Variants in INO80 observed in about 807,000 individuals in gnomAD.
The protein encoded by INO80 is INO80 complex ATPase subunit.
A neutral mutation model predicts 203.4 loss-of-function variants in INO80; 20 were observed. That is an observed-to-expected ratio of 0.10 (90% CI 0.07 to 0.14). INO80 has a LOEUF of 0.14. INO80 is among the 10% of genes least tolerant of loss of function. The probability of loss-of-function intolerance (pLI) is 1.00; values close to 1 mark genes in which losing one functional copy is unlikely to be tolerated. For synonymous variants in INO80, 726 were observed against 685.2 expected (o/e 1.06, Z -0.93); for missense variants, 1,419 against 1,914.4 (o/e 0.74, Z 4.83).
intron 14 of INO80, among the ~76,000 whole-genome samples, chr15:41,063,803 T>C (rs1222407198): frequency 6.6e-6 from 1 of 151,644 alleles, no homozygotes; most frequent in Non-Finnish European, 1.5e-5. Flanking sequence ...TGTAAAATGA[T>C]TACAAATAAA....
chr15:41,073,084 G>C (rs1350198310), intron 11 of INO80, among the ~76,000 whole-genome samples: 2 of 151,746 alleles, frequency 1.3e-5, no homozygotes, highest in African/African-American at 4.8e-5. Context: ...CGGTGAGTAT[G>C]GTCTTTTTCA....
At chr15:41,065,836 T>C (rs1035232893) in intron 14 of INO80, among the ~76,000 whole-genome samples, 1 of 152,104 alleles carries the variant, frequency 6.6e-6, no homozygotes, top group African/African-American at 2.4e-5. Flanking sequence ...GCAGTCAAAT[T>C]TGTGGTTGCC....
intron 9 of INO80, among the ~76,000 whole-genome samples, chr15:41,078,492 AT>A (rs35165623): frequency 0.55 from 82,977 of 151,862 alleles, 24,376 homozygotes; most frequent in African/African-American, 0.77. Flanking sequence ...TAACTTGATA[AT>A]TATGATTACC....
chr15:41,043,728 C>G (rs1452587240), intron 24 of INO80, among the ~76,000 whole-genome samples: 2 of 152,140 alleles, frequency 1.3e-5, no homozygotes, highest in African/African-American at 2.4e-5. Context: ...AACTGTCACT[C>G]CTCTTCTCAA....
chr15:41,109,861 G>A (rs2045933948), intron 1 of INO80, among the ~76,000 whole-genome samples: 1 of 151,676 alleles, frequency 6.6e-6, no homozygotes, highest in South Asian at 2.1e-4. Context: ...GAACCTGGGA[G>A]ATGGAGGTTG....
rs368535813 is a variant in INO80, at chr15:41,051,128, C to CA, written c.2275-1027dup. Among the ~76,000 whole-genome samples, 207 of 78,480 alleles carry CA rather than the reference C, an allele frequency of 2.6e-3. 11 individuals carry two copies. The highest frequency in any genetic ancestry group is 0.017 in the Middle Eastern group (2 of 118). The allele number at this position is 78,480 out of a possible 152,430, so 51.5% of individuals were successfully genotyped here. A position where few individuals can be genotyped will look rare whatever the true frequency, so the allele number is the denominator to read the frequency against. On this transcript the variant is annotated intron_variant, in intron 19 of 35. Coordinates refer to ENST00000648947, the MANE Select transcript of INO80 (RefSeq NM_017553.3). The stretch of plus-strand genomic sequence containing the variant: ...TGGGTGACAGAATGAGACTCCATCT[C>CA]AAAAAAAAAAAAAAAGAAAGTTCTC...
At chr15:41,011,827 AG>A (rs1725963287) in intron 27 of INO80, 1 of 152,242 alleles carries the variant, frequency 6.6e-6, no homozygotes, top group African/African-American at 2.4e-5. Flanking sequence ...GCGCTTGGAT[AG>A]ATGACTGAGC....
rs947883980 is a variant in INO80, at chr15:41,116,261, G to C, written c.-332C>G. The C allele has an allele frequency of 1.8e-5, 7 of 399,702 alleles. No homozygotes were observed. Among genetic ancestry groups the C allele is most frequent in the East Asian group, 3.6e-5 (1 of 28,130 alleles). The allele number at this position is 399,702 out of a possible 1,614,324, so 24.8% of individuals were successfully genotyped here. A position where few individuals can be genotyped will look rare whatever the true frequency, so the allele number is the denominator to read the frequency against. ...AGCAGGGACACGGGGAGCCATGGCG[G>C]GGGGGAGGAGAGGCGCCATAGCCAG... is the stretch of plus-strand genomic sequence containing the variant. On this transcript the variant is annotated 5_prime_UTR_variant, in exon 1 of 36. Transcript: ENST00000648947.
At chr15:41,060,804 T>A (rs1253011888) in intron 14 of INO80, among the ~76,000 whole-genome samples, 1 of 152,012 alleles carries the variant, frequency 6.6e-6, no homozygotes. Flanking sequence ...AACCCCCAAA[T>A]AATTACTAGT....
chr15:41,045,106 C>G, intron 23 of INO80, 31 bp from the exon 24 acceptor site: 2 of 1,564,902 alleles, frequency 1.3e-6, no homozygotes, highest in Non-Finnish European at 1.7e-6. Context: ...CACGCTTATT[C>G]AGTGCTCCAT....
At chr15:41,096,485 G>C in intron 1 of INO80, 132 bp from the exon 2 acceptor site, 1 of 513,410 alleles carries the variant, frequency 1.9e-6, no homozygotes, top group Non-Finnish European at 3.2e-6. Flanking sequence ...GGAGTCTGCA[G>C]AAAGATCATG....
At chr15:41,032,820 A>C (rs1407515913) in intron 24 of INO80, among the ~76,000 whole-genome samples, 1 of 152,154 alleles carries the variant, frequency 6.6e-6, no homozygotes, top group East Asian at 1.9e-4. Flanking sequence ...AGGGCGGATC[A>C]CGAGGTCAGG....
rs575417809 is a variant in INO80, at chr15:41,036,146, ACT to A, written c.2908-8412_2908-8411del. 2.2e-3 allele frequency among the ~76,000 whole-genome samples: 238 copies of A among 107,788 alleles called. 1 individual carries two copies. Among genetic ancestry groups the A allele is most frequent in the African/African-American group, 6.2e-3 (175 of 28,174 alleles). The allele number at this position is 107,788 out of a possible 152,430, so 70.7% of individuals were successfully genotyped here. ...ACTCCAGCCTGGGCAACAGAGTGCAACTCTCTCTCGAAAAAAAAAAAAAAAAA... is the reference window on the plus strand; with the variant it reads ...ACTCCAGCCTGGGCAACAGAGTGCAACTCTCTCGAAAAAAAAAAAAAAAAA... On this transcript the variant is annotated intron_variant, in intron 24 of 35. Transcript: ENST00000648947.
intron 28 of INO80, among the ~76,000 whole-genome samples, chr15:41,001,627 A>G (rs1244231012): frequency 6.6e-6 from 1 of 152,242 alleles, no homozygotes; most frequent in Non-Finnish European, 1.5e-5. Flanking sequence ...ACCACAGAGC[A>G]AAGACCTTGT....
chr15:41,114,359 G>A (rs1206312676), intron 1 of INO80, among the ~76,000 whole-genome samples: 2 of 152,050 alleles, frequency 1.3e-5, no homozygotes, highest in East Asian at 1.9e-4. Context: ...TATAGGAGGA[G>A]GAGCTTGGAA....
chr15:41,039,548 A>G (rs1162880431), intron 24 of INO80, among the ~76,000 whole-genome samples: 1 of 152,214 alleles, frequency 6.6e-6, no homozygotes, highest in Non-Finnish European at 1.5e-5. Flanking sequence ...AACAACATTA[A>G]TTACGTATGT....
At chr15:41,014,552 T>C (rs2044176539) in intron 27 of INO80, among the ~76,000 whole-genome samples, 1 of 152,312 alleles carries the variant, frequency 6.6e-6, no homozygotes, top group East Asian at 1.9e-4. Context: ...CTTAATCACC[T>C]CTCTTATGGT....
At chr15:41,072,435 C>T (rs933807415) in intron 11 of INO80, among the ~76,000 whole-genome samples, 3 of 151,536 alleles carry the variant, frequency 2.0e-5, no homozygotes, top group African/African-American at 4.8e-5. Flanking sequence ...TAACAAAGAG[C>T]TTGGGCCAGG....
chr15:40,985,355 C>G lies in INO80; in HGVS notation c.3904G>C (p.Glu1302Gln), dbSNP rs759863923. The G allele has an allele frequency of 3.7e-6, 6 of 1,613,878 alleles. No individual in the cohort carries two copies. Among genetic ancestry groups the G allele is most frequent in the Non-Finnish European group, 5.1e-6 (6 of 1,179,786 alleles). The change falls in exon 32 of 36, where the codon GAA becomes CAA. Residue 1302 changes from glutamate to glutamine, a missense_variant. Transcript: ENST00000648947. ...NRVKERKRKR[E>Q]KYAEKKKKED... Reference sequence around the variant, plus strand: ...GGAAATACCTTCTCTGCATACTTTTCCCGCTTCCGCTTGCGCTCTTTCACT... The same window carrying G: ...GGAAATACCTTCTCTGCATACTTTTGCCGCTTCCGCTTGCGCTCTTTCACT...
Sources: gnomAD v4.1 joint callset for allele counts (sites outside exome capture counted in the v4.1 genomes callset) on GRCh38, gnomAD v4.1.1 for gene constraint, MANE v1.5 for transcripts, NCBI Gene and HGNC (gene_info 2026-07-23, HGNC 2026-07-21) for gene names.